LRRC4C: variants seen among roughly 807,000 people sequenced by gnomAD.
LRRC4C encodes leucine-rich repeat-containing protein 4C.
Under a neutral mutation model 33.6 loss-of-function variants are expected in LRRC4C, and 5 were observed. That is an observed-to-expected ratio of 0.15 (90% CI 0.08 to 0.31). LRRC4C has a LOEUF of 0.31. LRRC4C is among the 10% of genes least tolerant of loss of function. The probability of loss-of-function intolerance (pLI) is 1.00; values close to 1 mark genes in which losing one functional copy is unlikely to be tolerated. For missense variants in LRRC4C, 560 were observed against 796.7 expected (o/e 0.70, Z 3.58); for synonymous variants, 329 against 302.0 (o/e 1.09, Z -0.93).
chr11:40,710,361 A>C (rs1469868450), intron 2 of LRRC4C, among the ~76,000 whole-genome samples: 1 of 152,094 alleles, frequency 6.6e-6, no homozygotes, highest in African/African-American at 2.4e-5. Context: ...ATGGTGACCT[A>C]CAGATGGAGT....
At chr11:41,251,570 T>C (rs1358396062) in intron 1 of LRRC4C, among the ~76,000 whole-genome samples, 1 of 152,348 alleles carries the variant, frequency 6.6e-6, no homozygotes, top group Non-Finnish European at 1.5e-5. Context: ...GGAAACAATA[T>C]ACTCAGTAAT....
chr11:40,824,165 G>C (rs1022517685), intron 2 of LRRC4C, among the ~76,000 whole-genome samples: 5 of 151,748 alleles, frequency 3.3e-5, no homozygotes, highest in Admixed American at 3.3e-4. Context: ...TCTGCAAAAG[G>C]GATGAGGGAA....
intron 3 of LRRC4C, among the ~76,000 whole-genome samples, chr11:40,477,941 T>A (rs570507528): frequency 5.3e-5 from 8 of 152,168 alleles, no homozygotes; most frequent in African/African-American, 1.9e-4. Flanking sequence ...GCAGTTCTCA[T>A]GACAGTCAGT....
chr11:41,381,626 C>CAAAAAAAAAAAAAAAA (rs71931237), intron 1 of LRRC4C, among the ~76,000 whole-genome samples: 1 of 133,774 alleles, frequency 7.5e-6, no homozygotes. Context: ...GACTCTGCTT[C>CAAAAAAAAAAAAAAAA]AAAAAAAAAA....
intron 2 of LRRC4C, among the ~76,000 whole-genome samples, chr11:40,898,351 C>A (rs1956050867): frequency 1.8e-3 from 4 of 2,274 alleles, no homozygotes; most frequent in Non-Finnish European, 1.9e-3. Context: ...GAAACTCCAT[C>A]TCAAAAAAAA....
chr11:41,266,120 T>C (rs1949143809), intron 1 of LRRC4C, among the ~76,000 whole-genome samples: 1 of 152,084 alleles, frequency 6.6e-6, no homozygotes, highest in Admixed American at 6.6e-5. Flanking sequence ...CTTTAACTAA[T>C]CTCCTTCATA....
rs1246999893 is a variant in LRRC4C, at chr11:41,372,036, C to T, written c.-496+87395G>A. Reference sequence around the variant, plus strand: ...CCTGTAGTCCCAGCTACTCAGGAGGCTGAGGCAGGAGAATGGCGTGAACCC... The same window carrying T: ...CCTGTAGTCCCAGCTACTCAGGAGGTTGAGGCAGGAGAATGGCGTGAACCC... On this transcript the variant is annotated intron_variant, in intron 1 of 6. Coordinates refer to ENST00000528697, the MANE Select transcript of LRRC4C (RefSeq NM_001258419.2). Among the ~76,000 whole-genome samples, 5 of 152,228 alleles carry T rather than the reference C, an allele frequency of 3.3e-5. 1 individual carries two copies. In the East Asian group the frequency reaches 9.6e-4, roughly 29 times the overall value.
chr11:40,506,370 T>G (rs1321087477), intron 3 of LRRC4C, among the ~76,000 whole-genome samples: 1 of 152,170 alleles, frequency 6.6e-6, no homozygotes, highest in Non-Finnish European at 1.5e-5. Context: ...TTAACACTAC[T>G]GAATGAAAAC....
chr11:40,534,871 C>T (rs1388446914), intron 3 of LRRC4C, among the ~76,000 whole-genome samples: 2 of 152,138 alleles, frequency 1.3e-5, no homozygotes, highest in African/African-American at 4.8e-5. Context: ...ACTTAAATAT[C>T]TTCACACAAG....
At chr11:41,220,771 A>C (rs1565490984) in intron 1 of LRRC4C, among the ~76,000 whole-genome samples, 1 of 152,194 alleles carries the variant, frequency 6.6e-6, no homozygotes, top group Non-Finnish European at 1.5e-5. Context: ...TTTAATGGGT[A>C]ATTTTTCATC....
chr11:41,181,074 C>A (rs1945429055), intron 1 of LRRC4C, among the ~76,000 whole-genome samples: 2 of 152,046 alleles, frequency 1.3e-5, no homozygotes, highest in African/African-American at 4.8e-5. Context: ...ATATTAATAG[C>A]CACAGAATGA....
chr11:41,311,696 A>C (rs1014112113), intron 1 of LRRC4C, among the ~76,000 whole-genome samples: 2 of 152,226 alleles, frequency 1.3e-5, no homozygotes, highest in Non-Finnish European at 2.9e-5. Flanking sequence ...ATATTGTATC[A>C]TTATTTTACC....
rs1390538249 is a variant in LRRC4C at position 41,233,192 on chromosome 11, A to T, written c.-496+226239T>A. On this transcript the variant is annotated intron_variant, in intron 1 of 6. Transcript: ENST00000528697. Reference sequence around the variant, plus strand: ...TTACCACTACTAGGAAAGATAATTCATGTGTGCAAATAAGCTAAAGAAATT... The same window carrying T: ...TTACCACTACTAGGAAAGATAATTCTTGTGTGCAAATAAGCTAAAGAAATT... 2.6e-5 allele frequency among the ~76,000 whole-genome samples: 4 copies of T among 152,078 alleles called. No homozygotes were observed. In the East Asian group the frequency reaches 7.7e-4, roughly 29 times the overall value.
At chr11:41,018,828 ATT>A in intron 1 of LRRC4C, among the ~76,000 whole-genome samples, 1 of 152,038 alleles carries the variant, frequency 6.6e-6, no homozygotes, top group African/African-American at 2.4e-5. Context: ...AAGTAGCAAA[ATT>A]TTCTTAACTA....
chr11:40,973,303 G>C (rs1053343329), intron 1 of LRRC4C, among the ~76,000 whole-genome samples: 4 of 151,746 alleles, frequency 2.6e-5, no homozygotes, highest in Non-Finnish European at 5.9e-5. Context: ...TTTAGCTGCA[G>C]AGCTAACTGA....
chr11:40,452,726 G>A (rs954126680), intron 3 of LRRC4C, among the ~76,000 whole-genome samples: 2 of 152,134 alleles, frequency 1.3e-5, no homozygotes, highest in Non-Finnish European at 2.9e-5. Flanking sequence ...AAAGACATAT[G>A]CACATGTATG....
At position 41,426,095 on chromosome 11, in the gene LRRC4C, A is replaced by C. The variant is rs191772348; in HGVS notation, c.-496+33336T>G. Among the ~76,000 whole-genome samples, 788 of 152,292 alleles carry C rather than the reference A, an allele frequency of 5.2e-3. 6 individuals are homozygous for C. The highest frequency in any genetic ancestry group is 0.018 in the African/African-American group (764 of 41,570). ...ACCTTTTGGGAAATGTGTACAGAAC[A>C]AGGGACAAGATCTGGATGGTCCCTT... On this transcript the variant is annotated intron_variant, in intron 1 of 6. Coordinates refer to ENST00000528697, the MANE Select transcript of LRRC4C (RefSeq NM_001258419.2).
At chr11:40,931,761 G>A (rs567636124) in intron 2 of LRRC4C, among the ~76,000 whole-genome samples, 69 of 152,030 alleles carry the variant, frequency 4.5e-4, no homozygotes, top group Admixed American at 5.9e-4. Context: ...GTCATGATTC[G>A]TTTGGTATAA....
In LRRC4C at chr11:40,756,418, C is replaced by T. The variant is rs77258797; in HGVS notation, c.-406-108140G>A. ...GTGTTTAATTGCATTTACTATGCAG[C>T]ATTTTGTTAGCTTAATTTTCATTTT... is the stretch of plus-strand genomic sequence containing the variant. On this transcript the variant is annotated intron_variant, in intron 2 of 6. Coordinates refer to ENST00000528697, the MANE Select transcript of LRRC4C (RefSeq NM_001258419.2). Among the ~76,000 whole-genome samples the T allele has an allele frequency of 4.3e-3, 660 of 152,148 alleles. 7 individuals carry two copies. The highest frequency in any genetic ancestry group is 0.015 in the African/African-American group (613 of 41,510).
Sources: allele counts gnomAD v4.1 joint callset (sites outside exome capture counted in the v4.1 genomes callset), GRCh38; gene constraint gnomAD v4.1.1; transcripts MANE v1.5; gene names NCBI Gene and HGNC (gene_info 2026-07-23, HGNC 2026-07-21).